NALCN: variants seen among roughly 807,000 people sequenced by gnomAD.
NALCN encodes the protein sodium leak channel NALCN.
NALCN carries 111 observed loss-of-function variants against 225.3 expected under a neutral mutation model. The ratio of observed to expected loss-of-function variants is 0.49; its 90% CI spans 0.42 to 0.58. The LOEUF is 0.58. NALCN is among the 20% of genes least tolerant of loss of function. The probability of loss-of-function intolerance (pLI) is 0.00; values close to 1 mark genes in which losing one functional copy is unlikely to be tolerated. For missense variants in NALCN, 1,378 were observed against 2,202.4 expected (o/e 0.63, Z 7.49); for synonymous variants, 764 against 769.0 (o/e 0.99, Z 0.11).
chr13:101,313,465 C>A (rs1457784405), intron 7 of NALCN, among the ~76,000 whole-genome samples: 2 of 151,968 alleles, frequency 1.3e-5, no homozygotes, highest in African/African-American at 4.8e-5. Flanking sequence ...TGAACTCAAA[C>A]AAATTTACAA....
intron 7 of NALCN, among the ~76,000 whole-genome samples, chr13:101,296,007 G>A (rs889094161): frequency 2.6e-5 from 4 of 152,272 alleles, no homozygotes; most frequent in East Asian, 3.9e-4. Context: ...GCACAGTCCC[G>A]CTCTCGCTGC....
chr13:101,058,289 G>A (rs1452109), intron 42 of NALCN: 233 of 489,950 alleles, frequency 4.8e-4, no homozygotes, highest in African/African-American at 4.3e-3. Context: ...TCTTGTCCTG[G>A]GTAACCCCCA....
chr13:101,353,405 T>C (rs1391942935), intron 6 of NALCN, among the ~76,000 whole-genome samples: 1 of 152,244 alleles, frequency 6.6e-6, no homozygotes, highest in Admixed American at 6.5e-5. Flanking sequence ...ATTTTCACTC[T>C]TATTTAGCTT....
intron 40 of NALCN, among the ~76,000 whole-genome samples, chr13:101,063,203 C>G (rs1233289394): frequency 6.6e-6 from 1 of 152,216 alleles, no homozygotes; most frequent in African/African-American, 2.4e-5. Context: ...CAGTTCCATC[C>G]TAGAGCCCAA....
intron 6 of NALCN, among the ~76,000 whole-genome samples, chr13:101,350,848 C>A (rs1223488594): frequency 1.3e-5 from 2 of 152,176 alleles, no homozygotes; most frequent in Non-Finnish European, 2.9e-5. Flanking sequence ...ACATCTTTGG[C>A]AGAGCCTTTG....
At chr13:101,353,918 A>G (rs1283942061) in intron 6 of NALCN, among the ~76,000 whole-genome samples, 1 of 152,244 alleles carries the variant, frequency 6.6e-6, no homozygotes, top group Non-Finnish European at 1.5e-5. Flanking sequence ...TTAAAATAAT[A>G]TATGTTCCCC....
intron 38 of NALCN, 114 bp downstream of exon 38, chr13:101,068,581 T>C: frequency 8.9e-7 from 1 of 1,117,826 alleles, no homozygotes; most frequent in Non-Finnish European, 1.2e-6. Context: ...AATTTATAAT[T>C]AATGCCATGA....
intron 27 of NALCN, among the ~76,000 whole-genome samples, chr13:101,096,474 A>G (rs1057068461): frequency 1.3e-5 from 2 of 152,142 alleles, no homozygotes; most frequent in African/African-American, 4.8e-5. Flanking sequence ...GTCACAAAAG[A>G]CCATATGTTA....
intron 27 of NALCN, 64 bp from the exon 28 acceptor site, chr13:101,095,744 G>C: frequency 7.5e-7 from 1 of 1,333,938 alleles, no homozygotes; most frequent in African/African-American, 1.5e-5. Context: ...AAAAGATAAA[G>C]GATAGGAAAC....
chr13:101,104,733 C>T lies in NALCN; in HGVS notation c.2637-83G>A, dbSNP rs2035008628. On this transcript the variant is annotated intron_variant, in intron 23 of 43. Transcript: ENST00000251127. This position sits in a 1 kb window ranked among gnomAD's most constrained non-coding sequence, Gnocchi z 4.2. ...GTTAGAGATGATGGCTTCTGTGGCTCTATCAACATGACTGGTATTTTAAAA... is the reference window on the plus strand; with the variant it reads ...GTTAGAGATGATGGCTTCTGTGGCTTTATCAACATGACTGGTATTTTAAAA... 1 of 1,586,028 alleles carries T rather than the reference C, an allele frequency of 6.3e-7. No homozygotes were observed. Among genetic ancestry groups the T allele is most frequent in the Admixed American group, 1.7e-5 (1 of 58,278 alleles).
intron 25 of NALCN, among the ~76,000 whole-genome samples, chr13:101,103,878 G>C (rs1472115998): frequency 6.6e-6 from 1 of 152,154 alleles, no homozygotes; most frequent in Non-Finnish European, 1.5e-5. Flanking sequence ...AATGGAATCA[G>C]GAGAGAGATA....
At chr13:101,064,381 C>A (rs908220091) in intron 40 of NALCN, among the ~76,000 whole-genome samples, 1 of 152,000 alleles carries the variant, frequency 6.6e-6, no homozygotes, top group Non-Finnish European at 1.5e-5. Context: ...AATGTTTCCT[C>A]CCAAAAAAAG....
At chr13:101,403,527 T>C (rs1244103645) in intron 1 of NALCN, among the ~76,000 whole-genome samples, 2 of 152,236 alleles carry the variant, frequency 1.3e-5, no homozygotes, top group Non-Finnish European at 2.9e-5. Context: ...TGATTTGTTA[T>C]AACTGAAAAA....
chr13:101,297,680 C>T (rs546565293), intron 7 of NALCN, among the ~76,000 whole-genome samples: 7 of 152,276 alleles, frequency 4.6e-5, no homozygotes, highest in Non-Finnish European at 1.0e-4. Context: ...GTGAATCATC[C>T]TTTGTGTTAC....
rs1046411796 is a variant in NALCN, at chr13:101,261,400, AT to A, written c.1135-2827del. 9.7e-4 allele frequency among the ~76,000 whole-genome samples: 148 copies of A among 152,288 alleles called. 1 individual carries two copies. The highest frequency in any genetic ancestry group is 6.8e-3 in the Middle Eastern group (2 of 294). ...TATTTCTGTGAAGAATATCATTGGTATTTTGATAAGGATTCAATTGCATCTG... is the reference window on the plus strand; with the variant it reads ...TATTTCTGTGAAGAATATCATTGGTATTTGATAAGGATTCAATTGCATCTG... On this transcript the variant is annotated intron_variant, in intron 10 of 43. Coordinates refer to ENST00000251127, the MANE Select transcript of NALCN (RefSeq NM_052867.4).
rs1226235735 is a variant in NALCN, at chr13:101,380,857, A to AACACACAT, written c.292-2205_292-2204insATGTGTGT. On this transcript the variant is annotated intron_variant, in intron 3 of 43. Coordinates refer to ENST00000251127, the MANE Select transcript of NALCN (RefSeq NM_052867.4). ...ATTAGAGGATATATAATGCCTAGCT[A>AACACACAT]ACACACACACACACACACACACACA... Among the ~76,000 whole-genome samples the AACACACAT allele has an allele frequency of 6.2e-3, 908 of 145,670 alleles. 5 individuals carry two copies. Among genetic ancestry groups the AACACACAT allele is most frequent in the African/African-American group, 0.022 (866 of 39,468 alleles).
intron 1 of NALCN, among the ~76,000 whole-genome samples, chr13:101,404,850 C>A (rs73566026): frequency 0.04 from 6,114 of 152,244 alleles, 229 homozygotes; most frequent in East Asian, 0.12. Flanking sequence ...TCTTTCTTGT[C>A]CCATAGCTCA....
At position 101,197,428 on chromosome 13, in the gene NALCN, G is replaced by T. The variant is rs536166509; in HGVS notation, c.1627-5374C>A. 5.3e-5 allele frequency among the ~76,000 whole-genome samples: 8 copies of T among 151,938 alleles called. No homozygotes were observed. In the South Asian group the frequency reaches 1.7e-3, roughly 32 times the overall value. On this transcript the variant is annotated intron_variant, in intron 13 of 43. Coordinates refer to ENST00000251127, the MANE Select transcript of NALCN (RefSeq NM_052867.4). ...AGTTATGCTGGTATAATTTTCTCAG[G>T]TCATTTTATTCATTTCCTTAGGTTT...
At chr13:101,376,625 G>A in intron 6 of NALCN, 75 bp downstream of exon 6, 1 of 1,489,782 alleles carries the variant, frequency 6.7e-7, no homozygotes, top group Non-Finnish European at 9.0e-7. Context: ...CTGACATAGA[G>A]GTTATTCTTA....
Sources: gnomAD v4.1 joint callset for allele counts (sites outside exome capture counted in the v4.1 genomes callset) on GRCh38, gnomAD v4.1.1 for gene constraint, Gnocchi (gnomAD v3.1) non-coding constraint, MANE v1.5 for transcripts, NCBI Gene and HGNC (gene_info 2026-07-23, HGNC 2026-07-21) for gene names.